The following SLC30A8 variants were observed in gnomAD, a reference collection of about 807,000 sequenced individuals.
SLC30A8 encodes the protein solute carrier family 30 member 8.
SLC30A8 carries 27 observed loss-of-function variants against 36.9 expected under a neutral mutation model. That is an observed-to-expected ratio of 0.73 (90% CI 0.54 to 1.01). The LOEUF is 1.01. Ranked by LOEUF, SLC30A8 falls within the 50% of genes least tolerant of loss-of-function variation. SLC30A8 has a pLI of 0.00. For missense variants in SLC30A8, 439 were observed against 452.0 expected, an observed-to-expected ratio of 0.97 and a Z score of 0.26; for synonymous variants, 164 against 172.4, an observed-to-expected ratio of 0.95 and a Z score of 0.38.
intron 2 of SLC30A8, among the ~76,000 whole-genome samples, chr8:117,083,030 G>A (rs144820543): frequency 9.8e-5 from 15 of 152,286 alleles, no homozygotes; most frequent in South Asian, 2.1e-4. Context: ...ATGTAGAAAC[G>A]AGTAGCTCCG....
At chr8:117,027,160 A>T (rs1816902181) in intron 1 of SLC30A8, among the ~76,000 whole-genome samples, 1 of 152,162 alleles carries the variant, frequency 6.6e-6, no homozygotes, top group Admixed American at 6.5e-5. Context: ...CCATCATCCA[A>T]ACTGAAAGGG....
intron 1 of SLC30A8, among the ~76,000 whole-genome samples, chr8:117,001,051 A>G (rs536043705): frequency 1.6e-4 from 24 of 152,140 alleles, no homozygotes; most frequent in African/African-American, 5.5e-4. Context: ...GGTTTGTATG[A>G]GAGTAACCTT....
At chr8:117,126,096 A>G (rs1378664717) in intron 2 of SLC30A8, among the ~76,000 whole-genome samples, 2 of 151,996 alleles carry the variant, frequency 1.3e-5, no homozygotes, top group East Asian at 3.9e-4. Context: ...CAAGCTTAAT[A>G]TTCTTGCCAA....
At chr8:116,950,528 A>G (rs1345000929), upstream of SLC30A8, 3 of 152,198 alleles carry the variant, frequency 2.0e-5, no homozygotes, top group African/African-American at 4.8e-5. Context: ...GGGATGAAAT[A>G]TTTTCCTAAG....
intron 2 of SLC30A8, among the ~76,000 whole-genome samples, chr8:117,122,995 C>T (rs1586552370): frequency 6.6e-6 from 1 of 152,002 alleles, no homozygotes; most frequent in South Asian, 2.1e-4. Context: ...ACCAGTTGGA[C>T]TTATTCACTG....
chr8:117,038,684 G>A (rs1817291289), intron 1 of SLC30A8, among the ~76,000 whole-genome samples: 1 of 152,152 alleles, frequency 6.6e-6, no homozygotes, highest in South Asian at 2.1e-4. Flanking sequence ...ATTTGCAATG[G>A]GTAGAGTAAA....
At chr8:117,108,839 C>T (rs1437472258) in intron 2 of SLC30A8, among the ~76,000 whole-genome samples, 2 of 152,188 alleles carry the variant, frequency 1.3e-5, no homozygotes, top group Non-Finnish European at 2.9e-5. Context: ...AAATTGTTAT[C>T]GAGGTCCTAA....
rs1491223080 is a variant in SLC30A8 at position 117,167,504 on chromosome 8, T to TATATATATATAC, written c.830-3530_830-3529insATATATATATAC. ...GCATATATATATATACATACATACA[T>TATATATATATAC]GTATATGTATATGTGTATGTGATGT... On this transcript the variant is annotated intron_variant, in intron 6 of 7. Transcript: ENST00000456015. Among the ~76,000 whole-genome samples, 579 of 142,174 alleles carry TATATATATATAC rather than the reference T, an allele frequency of 4.1e-3. 20 individuals are homozygous for TATATATATATAC. In the East Asian group the frequency reaches 0.064, roughly 16 times the overall value. 93.3% of individuals were successfully genotyped at this position (142,174 alleles called of 152,430 possible).
At position 117,147,059 on chromosome 8, in the gene SLC30A8, C is replaced by T. The variant is rs1821933015; in HGVS notation, c.177C>T (p.Pro59=). The T allele has an allele frequency of 6.2e-7, 1 of 1,613,998 alleles. No homozygotes were observed. Among genetic ancestry groups the T allele is most frequent in the Non-Finnish European group, 8.5e-7 (1 of 1,180,022 alleles). The change falls in exon 2 of 8, where the codon CCC becomes CCT. Residue 59 remains proline, a synonymous_variant. Coordinates refer to ENST00000456015, the MANE Select transcript of SLC30A8 (RefSeq NM_173851.3). ...ACCACTGCCACAGTGGCTCCAAGCC[C>T]ACAGAAAAGGGGGCGAATGAGTACG... ...GMYHCHSGSK[P]TEKGANEYAY... is the part of the protein sequence containing the mutation.
At chr8:117,126,636 A>T (rs1177577335) in intron 2 of SLC30A8, among the ~76,000 whole-genome samples, 2 of 152,050 alleles carry the variant, frequency 1.3e-5, no homozygotes, top group African/African-American at 4.8e-5. Flanking sequence ...TATGCCAGAT[A>T]CCGTTTATGA....
chr8:117,152,206 C>G (rs1296990903), intron 2 of SLC30A8, among the ~76,000 whole-genome samples: 1 of 152,136 alleles, frequency 6.6e-6, no homozygotes, highest in East Asian at 1.9e-4. Context: ...CAAACCATGT[C>G]TGGGAAGGAA....
intron 1 of SLC30A8, among the ~76,000 whole-genome samples, chr8:116,994,105 T>C (rs1815736967): frequency 6.6e-6 from 1 of 151,500 alleles, no homozygotes; most frequent in Non-Finnish European, 1.5e-5. Context: ...CACTGGTGAA[T>C]TTTTCCAAAA....
chr8:117,065,164 C>T (rs1206667513), intron 2 of SLC30A8, among the ~76,000 whole-genome samples: 1 of 151,948 alleles, frequency 6.6e-6, no homozygotes, highest in Non-Finnish European at 1.5e-5. Flanking sequence ...AACTGGAGAC[C>T]ATAAACTATG....
intron 1 of SLC30A8, among the ~76,000 whole-genome samples, chr8:117,035,364 T>G (rs1053229780): frequency 6.6e-6 from 1 of 152,234 alleles, no homozygotes. Context: ...GTAGGCCCCA[T>G]GCAAGTCTGA....
chr8:116,994,765 C>A (rs969475745), intron 1 of SLC30A8, among the ~76,000 whole-genome samples: 1 of 151,986 alleles, frequency 6.6e-6, no homozygotes, highest in East Asian at 1.9e-4. Context: ...GTATATTATA[C>A]CTCTCCTGTC....
intron 7 of SLC30A8, 23 bp from the exon 8 acceptor site, chr8:117,172,513 T>G: frequency 1.2e-6 from 2 of 1,613,428 alleles, no homozygotes; most frequent in Non-Finnish European, 1.7e-6. Flanking sequence ...AGTGCTAATC[T>G]CCCTGTGCTT....
At chr8:117,048,205 TA>T (rs1394239188) in intron 2 of SLC30A8, among the ~76,000 whole-genome samples, 1 of 152,178 alleles carries the variant, frequency 6.6e-6, no homozygotes, top group Non-Finnish European at 1.5e-5. Flanking sequence ...CCCTTTCTGG[TA>T]ACAATTTGAC....
At chr8:116,963,347 T>C (rs889836790) in intron 1 of SLC30A8, among the ~76,000 whole-genome samples, 16 of 152,126 alleles carry the variant, frequency 1.1e-4, no homozygotes, top group African/African-American at 3.4e-4. Flanking sequence ...ACTTAGCACT[T>C]TATAGTGTGA....
At chr8:117,013,568 T>C (rs1431985013) in intron 1 of SLC30A8, among the ~76,000 whole-genome samples, 1 of 152,174 alleles carries the variant, frequency 6.6e-6, no homozygotes, top group South Asian at 2.1e-4. Context: ...TAAATTCTCT[T>C]GTCCACAATG....
Sources: gnomAD v4.1 joint callset for allele counts (sites outside exome capture counted in the v4.1 genomes callset) on GRCh38, gnomAD v4.1.1 for gene constraint, MANE v1.5 for transcripts, NCBI Gene and HGNC (gene_info 2026-07-23, HGNC 2026-07-21) for gene names.